ORM2: variants seen among roughly 807,000 people sequenced by gnomAD.
ORM2 encodes alpha-1-acid glycoprotein 2.
ORM2 carries 19 observed loss-of-function variants against 26.8 expected under a neutral mutation model. That is an observed-to-expected ratio of 0.71 (90% CI 0.49 to 1.04). The LOEUF (loss-of-function observed/expected upper bound fraction) is 1.04, where lower values mean the gene tolerates loss of function less well. Ranked by LOEUF, ORM2 falls within the 50% of genes least tolerant of loss-of-function variation. The probability of loss-of-function intolerance (pLI) is 0.00; values close to 1 mark genes in which losing one functional copy is unlikely to be tolerated. For missense variants in ORM2, 259 were observed against 244.9 expected, an observed-to-expected ratio of 1.06 and a Z score of -0.39; for synonymous variants, 94 against 100.0, an observed-to-expected ratio of 0.94 and a Z score of 0.36.
chr9:114,330,200 C>T (rs1829827950), intron 1 of ORM2, 182 bp downstream of exon 1: 1 of 723,638 alleles, frequency 1.4e-6, no homozygotes, highest in Non-Finnish European at 2.5e-6. Context: ...TGCCTCCAAA[C>T]ACAGAAGCCT....
rs77523036 is a variant in ORM2, at chr9:114,330,850, G to A, written c.316G>A (p.Val106Ile). ...YLNVQRENGTVSRYEGGREHV... is the reference protein window; with the variant it reads ...YLNVQRENGTISRYEGGREHV... ...GAATGTCCAGCGGGAGAATGGGACC[G>A]TCTCCAGATACGGTGAGGGCCAGCC... The change falls in exon 3 of 6, where the codon GTC (valine) becomes ATC (isoleucine). Residue 106 changes from valine to isoleucine, a missense_variant. Physicochemically the swap from Val to Ile is conservative, Grantham distance 29. Around this residue, in one of 2 missense-constraint regions of ORM2, gnomAD observed 251 missense variants for 220.5 expected, o/e 1.14. Transcript: ENST00000431067. 15,211 of 1,613,496 alleles carry A rather than the reference G, an allele frequency of 9.4e-3. 1,501 individuals are homozygous for A. The African/African-American group carries it at 0.18, about 19-fold the overall frequency.
chr9:114,330,784 G>C lies in ORM2; in HGVS notation c.258-8G>C. The C allele has an allele frequency of 6.2e-7, 1 of 1,613,500 alleles. No homozygotes were observed. On this transcript the variant is annotated splice_region_variant and splice_polypyrimidine_tract_variant and intron_variant, in intron 2 of 5. Transcript: ENST00000431067. ...ACTGTTTTTCTTCCGCCTTCTGGTT[G>C]ACTTTAGCCAGAACCAGTGCTTCTA...
intron 5 of ORM2, among the ~76,000 whole-genome samples, chr9:114,332,798 G>T (rs2131732357): frequency 6.6e-6 from 1 of 152,336 alleles, no homozygotes; most frequent in Non-Finnish European, 1.5e-5. Flanking sequence ...AGGAGCTGCA[G>T]CATAAGGGCC....
Position 114,330,794 on chromosome 9 carries a change from A to G in ORM2, c.260A>G (p.Gln87Arg). 1 of 1,613,886 alleles carries G rather than the reference A, an allele frequency of 6.2e-7. No homozygotes were observed. The highest frequency in any genetic ancestry group is 8.5e-7 in the Non-Finnish European group (1 of 1,179,908). The part of the protein sequence containing the change: ...TIFLREYQTR[Q>R]NQCFYNSSYL... ...TTCCGCCTTCTGGTTGACTTTAGCC[A>G]GAACCAGTGCTTCTATAACTCCAGT... The change falls in exon 3 of 6, where the codon CAG becomes CGG. Residue 87 changes from glutamine to arginine, a missense_variant and splice_region_variant. Gln to Arg is a conservative substitution (Grantham distance 43). Around this residue, in one of 2 missense-constraint regions of ORM2, gnomAD observed 251 missense variants for 220.5 expected, o/e 1.14. Transcript: ENST00000431067.
intron 3 of ORM2, 92 bp from the exon 4 acceptor site, chr9:114,331,475 T>C: frequency 9.8e-7 from 1 of 1,021,366 alleles, no homozygotes; most frequent in South Asian, 1.5e-5. Context: ...ATGGGCTTTG[T>C]GGCCCCGGAC....
intron 3 of ORM2, 27 bp downstream of exon 3, chr9:114,330,889 G>C: frequency 6.3e-7 from 1 of 1,599,294 alleles, no homozygotes; most frequent in African/African-American, 1.3e-5. Flanking sequence ...AGGCAGGAGG[G>C]TTCACCGTGG....
chr9:114,331,223 C>T (rs1442764009), intron 3 of ORM2, among the ~76,000 whole-genome samples: 1 of 152,156 alleles, frequency 6.6e-6, no homozygotes, highest in East Asian at 1.9e-4. Context: ...AACTATGTCC[C>T]CCATCACCGC....
intron 1 of ORM2, 84 bp from the exon 2 acceptor site, chr9:114,330,350 G>C (rs1829830429): frequency 2.0e-6 from 3 of 1,472,176 alleles, no homozygotes; most frequent in Non-Finnish European, 2.8e-6. Context: ...CAAAATCAGG[G>C]AGAGATCTGC....
In ORM2 at chr9:114,330,465, C is replaced by A. The variant is rs1445000610; in HGVS notation, c.146C>A (p.Ala49Asp). ...GGCAAGTGGTTTTATATCGCATCGG[C>A]CTTTCGAAACGAGGAGTACAATAAG... is the stretch of plus-strand genomic sequence containing the variant. ...ITGKWFYIAS[A>D]FRNEEYNKSV... is the part of the protein sequence containing the mutation. Residue 49 changes from alanine to aspartate, a missense_variant, in exon 2 of 6, where the codon GCC becomes GAC. Transcript: ENST00000431067. The A allele has an allele frequency of 3.7e-6, 6 of 1,607,342 alleles. No individual in the cohort carries two copies. In the Admixed American group the frequency reaches 8.4e-5, roughly 22 times the overall value.
At chr9:114,330,362 T>G in intron 1 of ORM2, 72 bp from the exon 2 acceptor site, 1 of 1,525,794 alleles carries the variant, frequency 6.6e-7, no homozygotes, top group East Asian at 2.3e-5. Flanking sequence ...GAGATCTGCC[T>G]GAGTCTCCTC....
chr9:114,330,114 C>G (rs751973260), intron 1 of ORM2, 96 bp downstream of exon 1: 4 of 1,605,214 alleles, frequency 2.5e-6, no homozygotes, highest in African/African-American at 2.7e-5. Flanking sequence ...CACCCCCACT[C>G]CCAGCTCTGC....
At chr9:114,330,898 G>C in intron 3 of ORM2, 36 bp downstream of exon 3, 1 of 1,578,708 alleles carries the variant, frequency 6.3e-7, no homozygotes, top group Non-Finnish European at 8.7e-7. Context: ...GGTTCACCGT[G>C]GGAACAGGGC....
At chr9:114,332,804 G>A (rs1305522650) in intron 5 of ORM2, among the ~76,000 whole-genome samples, 1 of 152,206 alleles carries the variant, frequency 6.6e-6, no homozygotes. Flanking sequence ...TGCAGCATAA[G>A]GGCCCTGCAG....
At chr9:114,332,717 C>A (rs1239369773) in intron 5 of ORM2, among the ~76,000 whole-genome samples, 1 of 152,096 alleles carries the variant, frequency 6.6e-6, no homozygotes, top group South Asian at 2.1e-4. Context: ...TAGGGAGCCT[C>A]GAATGGGTCC....
chr9:114,330,441 G>C lies in ORM2; in HGVS notation c.122G>C (p.Gly41Ala), dbSNP rs776937891. 45 of 1,579,504 alleles carry C rather than the reference G, an allele frequency of 2.8e-5. 1 individual carries two copies. Among genetic ancestry groups the C allele is most frequent in the Non-Finnish European group, 3.7e-5 (43 of 1,158,686 alleles). The change falls in exon 2 of 6, where the codon GGC becomes GCC. Residue 41 changes from glycine to alanine, a missense_variant. By Grantham distance (60) the Gly-to-Ala change is moderately conservative. Transcript: ENST00000431067. Reference sequence around the variant, plus strand: ...CTCCCCCCTTCTCCCCAGATCACTGGCAAGTGGTTTTATATCGCATCGGCC... The same window carrying C: ...CTCCCCCCTTCTCCCCAGATCACTGCCAAGTGGTTTTATATCGCATCGGCC... ...ITNATLDRIT[G>A]KWFYIASAFR...
Position 114,330,457 on chromosome 9 carries a change from C to T in ORM2, c.138C>T (p.Ile46=), listed in dbSNP as rs553662717. Residue 46 remains isoleucine, a synonymous_variant, in exon 2 of 6, where the codon ATC becomes ATT. Transcript: ENST00000431067. ...AGATCACTGGCAAGTGGTTTTATAT[C>T]GCATCGGCCTTTCGAAACGAGGAGT... ...LDRITGKWFY[I]ASAFRNEEYN... 41 of 1,600,714 alleles carry T rather than the reference C, an allele frequency of 2.6e-5. 1 individual carries two copies. Among genetic ancestry groups the T allele is most frequent in the Admixed American group, 3.3e-5 (2 of 59,868 alleles).
rs374387012 is a variant in ORM2 at position 114,330,418 on chromosome 9, C to A, written c.115-16C>A. 79 of 1,552,538 alleles carry A rather than the reference C, an allele frequency of 5.1e-5. 9 individuals are homozygous for A. Among genetic ancestry groups the A allele is most frequent in the Non-Finnish European group, 6.5e-5 (74 of 1,142,954 alleles). On this transcript the variant is annotated splice_polypyrimidine_tract_variant and intron_variant, in intron 1 of 5. Coordinates refer to ENST00000431067, the MANE Select transcript of ORM2 (RefSeq NM_000608.4). ...CAGCATCAAGCCCCCATCACCAGCT[C>A]CCCCCTTCTCCCCAGATCACTGGCA...
rs1829859652 is a variant in ORM2, at chr9:114,331,887, G to A, written c.498G>A (p.Leu166=). Residue 166 remains leucine (L), a synonymous_variant, in exon 5 of 6, where the codon TTG becomes TTA. Transcript: ENST00000431067. ...LGEFYEALDC[L]CIPRSDVMYT... The stretch of plus-strand genomic sequence containing the variant: ...AGTTCTACGAAGCTCTCGACTGCTT[G>A]TGCATTCCCAGGTCAGATGTCATGT... 1 of 1,613,888 alleles carries A rather than the reference G, an allele frequency of 6.2e-7. No homozygotes were observed. Among genetic ancestry groups the A allele is most frequent in the Non-Finnish European group, 8.5e-7 (1 of 1,179,876 alleles).
chr9:114,330,773 G>A lies in ORM2; in HGVS notation c.258-19G>A, dbSNP rs143227432. 8.3e-5 allele frequency: 134 copies of A among 1,612,724 alleles called. No individual in the cohort carries two copies. In the East Asian group the frequency reaches 2.3e-3, roughly 28 times the overall value. On this transcript the variant is annotated intron_variant, in intron 2 of 5. Transcript: ENST00000431067. ...TCGATAACATTACTGTTTTTCTTCC[G>A]CCTTCTGGTTGACTTTAGCCAGAAC...
Sources: gnomAD v4.1 joint callset for allele counts (sites outside exome capture counted in the v4.1 genomes callset) on GRCh38, gnomAD v4.1.1 for gene constraint, gnomAD v4.1.1 regional missense constraint, MANE v1.5 for transcripts, NCBI Gene and HGNC (gene_info 2026-07-23, HGNC 2026-07-21) for gene names.